PHF21A: variants seen among roughly 807,000 people sequenced by gnomAD.
PHF21A encodes PHD finger protein 21A.
PHF21A carries 11 observed loss-of-function variants against 82.5 expected under a neutral mutation model. The observed-to-expected ratio is 0.13, with a 90% CI of 0.08 to 0.22. The LOEUF (loss-of-function observed/expected upper bound fraction) is 0.22, where lower values mean the gene tolerates loss of function less well. PHF21A is among the 10% of genes least tolerant of loss of function. The probability of loss-of-function intolerance (pLI) is 1.00; values close to 1 mark genes in which losing one functional copy is unlikely to be tolerated. For synonymous variants in PHF21A, 297 were observed against 302.8 expected (o/e 0.98, Z 0.20); for missense variants, 579 against 837.8 (o/e 0.69, Z 3.81).
intron 1 of PHF21A, among the ~76,000 whole-genome samples, chr11:46,095,640 T>C (rs986644257): frequency 1.3e-5 from 2 of 152,010 alleles, no homozygotes; most frequent in African/African-American, 4.8e-5. Context: ...CTAATATGGT[T>C]ATAATATTTT....
chr11:46,046,371 C>A (rs2096256878), intron 6 of PHF21A, among the ~76,000 whole-genome samples: 1 of 152,132 alleles, frequency 6.6e-6, no homozygotes, highest in African/African-American at 2.4e-5. Context: ...CCCCATCAAG[C>A]AAAATGAGAG....
At chr11:45,940,893 G>C (rs1322738137) in intron 15 of PHF21A, among the ~76,000 whole-genome samples, 1 of 152,116 alleles carries the variant, frequency 6.6e-6, no homozygotes, top group Admixed American at 6.5e-5. Flanking sequence ...TTGCTCCTGA[G>C]CAAGGAGCAC....
chr11:45,997,747 A>G (rs778592901), intron 6 of PHF21A, among the ~76,000 whole-genome samples: 1 of 152,194 alleles, frequency 6.6e-6, no homozygotes, highest in African/African-American at 2.4e-5. Flanking sequence ...CCATCTGTTT[A>G]TGTGTGCTGC....
intron 15 of PHF21A, among the ~76,000 whole-genome samples, chr11:45,943,827 C>A (rs918314638): frequency 3.3e-5 from 5 of 152,144 alleles, no homozygotes; most frequent in Non-Finnish European, 4.4e-5. Context: ...ACAACACGTG[C>A]CCCCTGCTGT....
intron 6 of PHF21A, among the ~76,000 whole-genome samples, chr11:46,031,810 G>A (rs2095871891): frequency 6.6e-6 from 1 of 152,162 alleles, no homozygotes; most frequent in African/African-American, 2.4e-5. Context: ...AAAGCTGGAA[G>A]AATCTGTAAG....
At chr11:46,022,778 G>A (rs1371130948) in intron 6 of PHF21A, among the ~76,000 whole-genome samples, 1 of 151,970 alleles carries the variant, frequency 6.6e-6, no homozygotes, top group African/African-American at 2.4e-5. Flanking sequence ...CTCATATACT[G>A]TTAGTTTCCT....
chr11:45,969,963 T>C, intron 8 of PHF21A, 59 bp from the exon 9 acceptor site: 1 of 1,059,158 alleles, frequency 9.4e-7, no homozygotes, highest in Admixed American at 2.0e-5. Context: ...ATATCAAAGC[T>C]AGTATTTTTA....
rs574556613 is a variant in PHF21A, at chr11:45,940,407, G to C, written c.1453-2095C>G. Among the ~76,000 whole-genome samples the C allele has an allele frequency of 3.9e-5, 6 of 152,172 alleles. No individual in the cohort carries two copies. The East Asian group carries it at 1.2e-3, about 29-fold the overall frequency. ...AACAGGGTTTCACCATGTTGGTCAG[G>C]CTGGTCTCGAACTCCTGACCTCATG... On this transcript the variant is annotated intron_variant, in intron 15 of 18. Transcript: ENST00000676320.
intron 6 of PHF21A, among the ~76,000 whole-genome samples, chr11:46,043,652 C>T (rs748267423): frequency 1.3e-5 from 2 of 151,896 alleles, no homozygotes; most frequent in Non-Finnish European, 2.9e-5. Context: ...AACTGACCCA[C>T]TTTTAGAAGT....
chr11:46,016,147 CAG>C (rs2095513858), intron 6 of PHF21A, among the ~76,000 whole-genome samples: 1 of 152,154 alleles, frequency 6.6e-6, no homozygotes. Flanking sequence ...TACTAAGCAA[CAG>C]AAAATTTTTA....
intron 8 of PHF21A, 96 bp downstream of exon 8, chr11:45,971,020 T>C (rs2093709378): frequency 7.1e-7 from 1 of 1,400,124 alleles, no homozygotes; most frequent in East Asian, 2.4e-5. Context: ...TGATGGAAAC[T>C]GAGAAATCCA....
At chr11:46,052,026 GA>G (rs1303833065) in intron 6 of PHF21A, among the ~76,000 whole-genome samples, 1 of 152,084 alleles carries the variant, frequency 6.6e-6, no homozygotes, top group Non-Finnish European at 1.5e-5. Context: ...ACAGTCAAAG[GA>G]ATAGTCAATA....
rs1303901343 is a variant in PHF21A, at chr11:46,022,157, AT to A, written c.154-42192del. On this transcript the variant is annotated intron_variant, in intron 6 of 18. Coordinates refer to ENST00000676320, the MANE Select transcript of PHF21A (RefSeq NM_001352027.3). Reference sequence around the variant, plus strand: ...GTACTGTTTGTTTCTTTCTTTTTTTATTTAAGAGACAGGAGCTGGTTGTGGT... The same window carrying A: ...GTACTGTTTGTTTCTTTCTTTTTTTATTAAGAGACAGGAGCTGGTTGTGGT... Among the ~76,000 whole-genome samples, 6 of 152,148 alleles carry A rather than the reference AT, an allele frequency of 3.9e-5. No individual in the cohort carries two copies. The East Asian group carries it at 1.2e-3, about 29-fold the overall frequency.
intron 1 of PHF21A, among the ~76,000 whole-genome samples, chr11:46,104,018 G>T (rs978508591): frequency 1.3e-5 from 2 of 152,038 alleles, no homozygotes; most frequent in Non-Finnish European, 2.9e-5. Context: ...CAGTTTCTAG[G>T]CTCAACATAG....
Position 45,959,741 on chromosome 11 carries a change from T to C in PHF21A, c.996+5574A>G, listed in dbSNP as rs924795449. Among the ~76,000 whole-genome samples, 16 of 152,108 alleles carry C rather than the reference T, an allele frequency of 1.1e-4. 1 individual carries two copies. Among genetic ancestry groups the C allele is most frequent in the African/African-American group, 3.9e-4 (16 of 41,422 alleles). The stretch of plus-strand genomic sequence containing the variant: ...ATCAGCTGTGTATCAAAGGACTGTA[T>C]CAAGAAAGCAAAAAGGCAAACTACG... On this transcript the variant is annotated intron_variant, in intron 10 of 18. Coordinates refer to ENST00000676320, the MANE Select transcript of PHF21A (RefSeq NM_001352027.3).
chr11:46,056,903 G>A (rs1463285153), intron 6 of PHF21A, among the ~76,000 whole-genome samples: 1 of 151,884 alleles, frequency 6.6e-6, no homozygotes, highest in Non-Finnish European at 1.5e-5. Context: ...CACAAACAGT[G>A]GGCTGAGGTA....
At position 45,979,922 on chromosome 11, in the gene PHF21A, T is replaced by C. The variant is rs1335676632; in HGVS notation, c.198A>G (p.Gln66=). 2 of 1,614,114 alleles carry C rather than the reference T, an allele frequency of 1.2e-6. No individual in the cohort carries two copies. Among genetic ancestry groups the C allele is most frequent in the African/African-American group, 1.3e-5 (1 of 74,950 alleles). The change falls in exon 7 of 19, where the codon CAA becomes CAG. Residue 66 remains glutamine (Q), a synonymous_variant. Coordinates refer to ENST00000676320, the MANE Select transcript of PHF21A (RefSeq NM_001352027.3). ...EQLRKNLIVK[Q]EQPDKFQIQP... ...GTATTTGGAACTTGTCCGGTTGTTC[T>C]TGCTTTACTATCAGGTTCTTCCGTA...
intron 7 of PHF21A, among the ~76,000 whole-genome samples, chr11:45,974,037 C>T (rs975321893): frequency 4.6e-5 from 7 of 152,164 alleles, no homozygotes; most frequent in Non-Finnish European, 1.0e-4. Flanking sequence ...ACACTGAAAC[C>T]TAACAAGTTT....
At chr11:45,939,007 G>A (rs771282720) in intron 15 of PHF21A, among the ~76,000 whole-genome samples, 3 of 152,030 alleles carry the variant, frequency 2.0e-5, no homozygotes, top group African/African-American at 2.4e-5. Context: ...CTAATTTTTT[G>A]TATTTTTAGT....
Sources: gnomAD v4.1 joint callset for allele counts (sites outside exome capture counted in the v4.1 genomes callset) on GRCh38, gnomAD v4.1.1 for gene constraint, MANE v1.5 for transcripts, NCBI Gene and HGNC (gene_info 2026-07-23, HGNC 2026-07-21) for gene names.